SENP7: variants seen among roughly 807,000 people sequenced by gnomAD.
SENP7 encodes SUMO specific peptidase 7.
Under a neutral mutation model 141.2 loss-of-function variants are expected in SENP7, and 64 were observed. The ratio of observed to expected loss-of-function variants is 0.45; its 90% confidence interval spans 0.37 to 0.56. SENP7 has a LOEUF of 0.56. Ranked by LOEUF, SENP7 falls within the 20% of genes least tolerant of loss-of-function variation. The pLI is 0.00. For synonymous variants in SENP7, 382 were observed against 426.4 expected, an observed-to-expected ratio of 0.90 and a Z score of 1.28; for missense variants, 1,025 against 1,212.2, an observed-to-expected ratio of 0.85 and a Z score of 2.29.
At chr3:101,373,503 CCT>C (rs2060236046) in intron 6 of SENP7, among the ~76,000 whole-genome samples, 2 of 152,122 alleles carry the variant, frequency 1.3e-5, no homozygotes, top group South Asian at 4.1e-4. Flanking sequence ...TTATGTTTCC[CCT>C]GATATAAGAA....
chr3:101,408,123 C>T (rs2061355985), intron 5 of SENP7, among the ~76,000 whole-genome samples: 1 of 151,940 alleles, frequency 6.6e-6, no homozygotes, highest in African/African-American at 2.4e-5. Context: ...CACAGAAATA[C>T]AAAAGATCAT....
chr3:101,502,311 G>A (rs2065416475), intron 1 of SENP7, among the ~76,000 whole-genome samples: 1 of 152,100 alleles, frequency 6.6e-6, no homozygotes, highest in South Asian at 2.1e-4. Context: ...GTTTTGTTTT[G>A]TTTTGTTTTT....
chr3:101,379,693 T>C (rs545445854), intron 6 of SENP7, among the ~76,000 whole-genome samples: 2 of 152,286 alleles, frequency 1.3e-5, no homozygotes, highest in South Asian at 2.1e-4. Flanking sequence ...TGGCGAGATA[T>C]GGAGTAACTG....
At chr3:101,442,744 A>G (rs1198192310) in intron 4 of SENP7, among the ~76,000 whole-genome samples, 1 of 152,258 alleles carries the variant, frequency 6.6e-6, no homozygotes, top group Admixed American at 6.5e-5. Context: ...GAAGAGTTCA[A>G]TTAATGAAAT....
intron 2 of SENP7, among the ~76,000 whole-genome samples, chr3:101,499,203 A>G (rs763242373): frequency 6.6e-5 from 10 of 152,230 alleles, no homozygotes; most frequent in Admixed American, 3.3e-4. Flanking sequence ...GGATTAACTC[A>G]GTATTAATTT....
intron 6 of SENP7, among the ~76,000 whole-genome samples, chr3:101,395,032 T>G (rs1255541371): frequency 6.6e-6 from 1 of 152,254 alleles, no homozygotes; most frequent in African/African-American, 2.4e-5. Flanking sequence ...GGATTCCTCA[T>G]ATATTCTGGG....
chr3:101,372,008 CT>C lies in SENP7; in HGVS notation c.795del (p.Asp266ThrfsTer32). On this transcript the variant is annotated frameshift_variant and splice_region_variant, in exon 7 of 24. Coordinates refer to ENST00000394095, the MANE Select transcript of SENP7 (RefSeq NM_020654.5). LOFTEE classifies it high-confidence loss of function. ...CAACAGTTTTCTAAGGTTCACAAAC[CT>C]TCAGGCTGAGTATCAGATATTAAAA... Reference protein sequence around the residue: ...ISLLISDTQPEDLNSGSRGCD... With the variant: ...ISLLISDTQPXDLNSGSRGCD... 1.4e-6 allele frequency: 2 copies of C among 1,453,290 alleles called. No individual in the cohort carries two copies. Among genetic ancestry groups the C allele is most frequent in the Non-Finnish European group, 1.9e-6 (2 of 1,071,082 alleles). 90.0% of individuals were successfully genotyped at this position (1,453,290 alleles called of 1,614,324 possible).
chr3:101,366,798 C>G, intron 8 of SENP7, 29 bp from the exon 9 acceptor site: 5 of 1,465,128 alleles, frequency 3.4e-6, no homozygotes, highest in Non-Finnish European at 4.6e-6. Context: ...AAAAAAATAG[C>G]ATTTTTCAAA....
chr3:101,477,508 C>A lies in SENP7; in HGVS notation c.186+16365G>T, dbSNP rs554349798. 1.1e-3 allele frequency among the ~76,000 whole-genome samples: 161 copies of A among 146,990 alleles called. 1 individual carries two copies. Among genetic ancestry groups the A allele is most frequent in the African/African-American group, 3.5e-3 (139 of 40,278 alleles). On this transcript the variant is annotated intron_variant, in intron 3 of 23. Coordinates refer to ENST00000394095, the MANE Select transcript of SENP7 (RefSeq NM_020654.5). ...GTATAAAGATTTTAAGTAAAAAAAA[C>A]CTAATAATGCACCTGAAAAAAATAG...
At chr3:101,343,114 G>A (rs765782451) in intron 14 of SENP7, among the ~76,000 whole-genome samples, 5 of 152,154 alleles carry the variant, frequency 3.3e-5, no homozygotes, top group African/African-American at 4.8e-5. Flanking sequence ...GAAGGGGTGT[G>A]TTATGTCAAC....
chr3:101,473,577 A>G (rs2064098692), intron 3 of SENP7, among the ~76,000 whole-genome samples: 1 of 151,978 alleles, frequency 6.6e-6, no homozygotes. Context: ...CCACTTTATA[A>G]TGGGGTTGTT....
intron 4 of SENP7, among the ~76,000 whole-genome samples, chr3:101,443,590 T>A (rs1042268264): frequency 3.3e-5 from 5 of 151,792 alleles, no homozygotes; most frequent in Non-Finnish European, 5.9e-5. Context: ...GAGCATGGAA[T>A]GTTCTTCCAT....
At chr3:101,328,308 T>A (rs1429632437) in intron 22 of SENP7, among the ~76,000 whole-genome samples, 170 bp downstream of exon 22, 2 of 152,028 alleles carry the variant, frequency 1.3e-5, no homozygotes, top group Non-Finnish European at 2.9e-5. Flanking sequence ...TATTAATACT[T>A]GAATATTAAC....
intron 5 of SENP7, among the ~76,000 whole-genome samples, chr3:101,413,591 TACAG>T (rs2061514659): frequency 6.6e-6 from 1 of 152,118 alleles, no homozygotes; most frequent in Non-Finnish European, 1.5e-5. Flanking sequence ...GGAAGTTTGC[TACAG>T]GGAGGAAGAG....
intron 13 of SENP7, among the ~76,000 whole-genome samples, chr3:101,344,211 C>T (rs1327206311): frequency 2.6e-5 from 4 of 152,160 alleles, no homozygotes; most frequent in Non-Finnish European, 5.9e-5. Context: ...CAGTGCCTGA[C>T]ATTTAGTAAT....
intron 3 of SENP7, among the ~76,000 whole-genome samples, chr3:101,486,492 T>C (rs759996201): frequency 2.6e-5 from 4 of 152,202 alleles, no homozygotes; most frequent in Non-Finnish European, 5.9e-5. Flanking sequence ...AAGAATTCTG[T>C]ATCCAACGAA....
At chr3:101,504,178 C>A (rs13099785) in intron 1 of SENP7, among the ~76,000 whole-genome samples, 9,816 of 151,308 alleles carry the variant, frequency 0.065, 462 homozygotes, top group Non-Finnish European at 0.097. Context: ...GGGCCAGGCG[C>A]GGTGGCTGAT....
chr3:101,414,782 T>C, intron 5 of SENP7: 1 of 562,030 alleles, frequency 1.8e-6, no homozygotes, highest in Admixed American at 3.1e-5. Context: ...CTCTAGACAC[T>C]GGTTCTTTCA....
intron 23 of SENP7, among the ~76,000 whole-genome samples, chr3:101,327,092 C>T (rs1005433092): frequency 6.6e-6 from 1 of 151,974 alleles, no homozygotes; most frequent in African/African-American, 2.4e-5. Context: ...TTTATCTTCT[C>T]TAACCTATTA....
Sources: allele counts gnomAD v4.1 joint callset (sites outside exome capture counted in the v4.1 genomes callset), GRCh38; gene constraint gnomAD v4.1.1; transcripts MANE v1.5; gene names NCBI Gene and HGNC (gene_info 2026-07-23, HGNC 2026-07-21).